The following GKAP1 variants were observed in gnomAD, a reference collection of about 807,000 sequenced individuals.
GKAP1 encodes the protein G kinase anchoring protein 1.
In GKAP1, 31 loss-of-function variants were observed where a neutral mutation model predicts 56.7. That is an observed-to-expected ratio of 0.55 (90% confidence interval 0.41 to 0.74). The LOEUF (loss-of-function observed/expected upper bound fraction) is 0.74, where lower values mean the gene tolerates loss of function less well. GKAP1 is among the 30% of genes least tolerant of loss of function. GKAP1 has a pLI of 0.00. For synonymous variants in GKAP1, 151 were observed against 138.6 expected (o/e 1.09, Z -0.63); for missense variants, 364 against 402.3 (o/e 0.90, Z 0.82).
intron 8 of GKAP1, among the ~76,000 whole-genome samples, chr9:83,762,415 A>C (rs1943589070): frequency 6.6e-6 from 1 of 152,196 alleles, no homozygotes; most frequent in Admixed American, 6.5e-5. Context: ...AGATGACAAA[A>C]TGGAAAGATA....
At chr9:83,747,977 T>C (rs1943322254) in intron 10 of GKAP1, among the ~76,000 whole-genome samples, 1 of 152,102 alleles carries the variant, frequency 6.6e-6, no homozygotes, top group African/African-American at 2.4e-5. Context: ...TTCTACTTTG[T>C]TGAGTCTTTT....
intron 3 of GKAP1, among the ~76,000 whole-genome samples, chr9:83,805,847 T>A (rs574227622): frequency 6.6e-6 from 1 of 152,340 alleles, no homozygotes; most frequent in African/African-American, 2.4e-5. Context: ...CAGGGTGTGG[T>A]GGCTCACGCC....
chr9:83,776,145 C>G (rs1011265557), intron 7 of GKAP1, among the ~76,000 whole-genome samples: 5 of 152,100 alleles, frequency 3.3e-5, no homozygotes, highest in African/African-American at 1.2e-4. Flanking sequence ...GATGTGGTTA[C>G]ATTAACCAAA....
At chr9:83,808,047 CAT>C (rs1944462732) in intron 2 of GKAP1, among the ~76,000 whole-genome samples, 1 of 152,162 alleles carries the variant, frequency 6.6e-6, no homozygotes, top group Admixed American at 6.5e-5. Flanking sequence ...GTCATTAAGT[CAT>C]AGCATTTTAT....
intron 7 of GKAP1, among the ~76,000 whole-genome samples, chr9:83,772,586 T>A (rs1395974174): frequency 2.6e-5 from 4 of 152,004 alleles, no homozygotes; most frequent in Non-Finnish European, 4.4e-5. Flanking sequence ...AAAGACACAA[T>A]TAAAAAACCA....
intron 2 of GKAP1, among the ~76,000 whole-genome samples, chr9:83,808,618 T>C (rs1350139855): frequency 2.0e-5 from 3 of 152,102 alleles, no homozygotes; most frequent in Non-Finnish European, 4.4e-5. Flanking sequence ...TAATCCTATA[T>C]AAAATTTTAC....
At chr9:83,807,205 T>G (rs925896419) in intron 2 of GKAP1, among the ~76,000 whole-genome samples, 3 of 152,222 alleles carry the variant, frequency 2.0e-5, no homozygotes, top group Non-Finnish European at 4.4e-5. Context: ...CCACAACCGT[T>G]TAGACTTAGA....
At chr9:83,816,847 C>T (rs1365362947) in intron 2 of GKAP1, 149 bp downstream of exon 2, 1 of 152,208 alleles carries the variant, frequency 6.6e-6, no homozygotes, top group African/African-American at 2.4e-5. Context: ...TTTGTCGTTA[C>T]TGTTCAATAT....
chr9:83,814,742 C>T (rs1190792844), intron 2 of GKAP1, among the ~76,000 whole-genome samples: 1 of 152,254 alleles, frequency 6.6e-6, no homozygotes, highest in East Asian at 1.9e-4. Context: ...GCACAATAGA[C>T]AATCCTCAAT....
intron 8 of GKAP1, 122 bp downstream of exon 8, chr9:83,768,696 G>A: frequency 1.2e-6 from 1 of 803,972 alleles, no homozygotes; most frequent in South Asian, 1.6e-5. Flanking sequence ...TAATTACTAA[G>A]ATCATATCCT....
intron 4 of GKAP1, among the ~76,000 whole-genome samples, chr9:83,795,701 C>A (rs1465137223): frequency 6.7e-6 from 1 of 150,338 alleles, no homozygotes; most frequent in Non-Finnish European, 1.5e-5. Context: ...CAGGCATGCG[C>A]TACCACATCC....
chr9:83,775,021 T>TC (rs1943833409), intron 7 of GKAP1, among the ~76,000 whole-genome samples: 1 of 151,514 alleles, frequency 6.6e-6, no homozygotes, highest in Non-Finnish European at 1.5e-5. Context: ...CTTTTTTTTT[T>TC]TTTAAGAGAT....
chr9:83,749,925 G>A (rs540293581), intron 9 of GKAP1, among the ~76,000 whole-genome samples: 16 of 152,054 alleles, frequency 1.1e-4, no homozygotes, highest in Admixed American at 9.2e-4. Context: ...ATATAATGGG[G>A]GAAAACACAT....
intron 7 of GKAP1, among the ~76,000 whole-genome samples, chr9:83,779,608 C>CATATATATGTGTATAT (rs1319184688): frequency 1.3e-5 from 1 of 78,494 alleles, no homozygotes; most frequent in African/African-American, 4.6e-5. Flanking sequence ...TATATATACA[C>CATATATATGTGTATAT]ATATACACAC....
At chr9:83,740,488 C>T (rs1943189155) in intron 12 of GKAP1, among the ~76,000 whole-genome samples, 2 of 152,018 alleles carry the variant, frequency 1.3e-5, no homozygotes, top group African/African-American at 4.8e-5. Flanking sequence ...CTACTCTACC[C>T]CCTTCAATTT....
intron 8 of GKAP1, 66 bp downstream of exon 8, chr9:83,768,752 G>C (rs899483344): frequency 2.0e-5 from 28 of 1,398,272 alleles, no homozygotes; most frequent in Non-Finnish European, 2.7e-5. Context: ...CTGCTTACTT[G>C]TTTAAAAAAT....
At chr9:83,745,349 AGAGACTAGT>A (rs372720416) in intron 10 of GKAP1, among the ~76,000 whole-genome samples, 89 of 152,290 alleles carry the variant, frequency 5.8e-4, no homozygotes, top group African/African-American at 2.1e-3. Flanking sequence ...GTGATTTTGC[AGAGACTAGT>A]GATTTTTAGG....
chr9:83,810,174 GATT>G (rs1444631891), intron 2 of GKAP1, among the ~76,000 whole-genome samples: 1 of 152,108 alleles, frequency 6.6e-6, no homozygotes, highest in African/African-American at 2.4e-5. Flanking sequence ...AGAGCTGTTA[GATT>G]ATTTAAAAAT....
intron 12 of GKAP1, among the ~76,000 whole-genome samples, chr9:83,740,209 G>A (rs1057450585): frequency 6.6e-6 from 1 of 152,040 alleles, no homozygotes; most frequent in African/African-American, 2.4e-5. Flanking sequence ...TTCATTAGTG[G>A]ATTGAAAACT....
Sources: allele counts gnomAD v4.1 joint callset (sites outside exome capture counted in the v4.1 genomes callset), GRCh38; gene constraint gnomAD v4.1.1; transcripts MANE v1.5; gene names NCBI Gene and HGNC (gene_info 2026-07-23, HGNC 2026-07-21).